H6PD: variants seen among roughly 807,000 people sequenced by gnomAD.
H6PD encodes the protein GDH/6PGL endoplasmic bifunctional protein.
H6PD carries 48 observed loss-of-function variants against 61.2 expected under a neutral mutation model. That is an observed-to-expected ratio of 0.78 (90% confidence interval 0.62 to 1.00). H6PD has a LOEUF of 1.00. H6PD is among the 50% of genes least tolerant of loss of function. H6PD has a pLI of 0.00. For synonymous variants in H6PD, 480 were observed against 457.9 expected (o/e 1.05, Z -0.62); for missense variants, 1,093 against 1,065.0 (o/e 1.03, Z -0.37).
intron 3 of H6PD, 74 bp downstream of exon 3, chr1:9,247,157 T>A (rs921042842): frequency 1.0e-4 from 102 of 1,016,970 alleles, no homozygotes; most frequent in Non-Finnish European, 1.3e-4. Flanking sequence ...CATGGGGCGC[T>A]TCTCAGAGGG....
Position 9,263,567 on chromosome 1 carries a change from T to C in H6PD, c.1074T>C (p.Ser358=), listed in dbSNP as rs367704323. Residue 358 remains serine (S), a synonymous_variant, in exon 5 of 5, where the codon TCT becomes TCC. Transcript: ENST00000377403. The part of the protein sequence containing the change: ...RWEGVPFILM[S]GKALDERVGY... ...AGGGCGTGCCTTTCATCCTGATGTCTGGCAAAGCCTTGGACGAGAGAGTGG... is the reference window on the plus strand; with the variant it reads ...AGGGCGTGCCTTTCATCCTGATGTCCGGCAAAGCCTTGGACGAGAGAGTGG... 9 of 1,614,062 alleles carry C rather than the reference T, an allele frequency of 5.6e-6. No individual in the cohort carries two copies. In the African/African-American group the frequency reaches 8.0e-5, roughly 14 times the overall value.
rs1315557117 is a variant in H6PD, at chr1:9,264,397, G to A, written c.1904G>A (p.Gly635Asp). Residue 635 changes from glycine to aspartate, a missense_variant, in exon 5 of 5, where the codon GGC becomes GAC. Gly to Asp is a moderately conservative substitution (Grantham distance 94). Coordinates refer to ENST00000377403, the MANE Select transcript of H6PD (RefSeq NM_004285.4). ...PLSDPESNFQGLQAHLLQHVR... is the reference protein window; with the variant it reads ...PLSDPESNFQDLQAHLLQHVR... ...TCAGACCCGGAGTCCAACTTCCAGG[G>A]CCTGCAGGCCCACCTGCTGCAGCAC... is the stretch of plus-strand genomic sequence containing the variant. The A allele has an allele frequency of 2.5e-6, 4 of 1,613,010 alleles. No individual in the cohort carries two copies. Among genetic ancestry groups the A allele is most frequent in the Admixed American group, 3.3e-5 (2 of 60,032 alleles).
chr1:9,244,840 C>G, intron 1 of H6PD, 85 bp from the exon 2 acceptor site: 1 of 1,236,082 alleles, frequency 8.1e-7, no homozygotes, highest in Non-Finnish European at 1.2e-6. Context: ...TCTTGCCAGG[C>G]AGGAAGTGTT....
chr1:9,237,100 G>GTAA (rs1640869044), intron 1 of H6PD, among the ~76,000 whole-genome samples: 1 of 152,018 alleles, frequency 6.6e-6, no homozygotes, highest in Non-Finnish European at 1.5e-5. Flanking sequence ...CAGTGTAAAT[G>GTAA]TAATACAGTG....
intron 3 of H6PD, 146 bp downstream of exon 3, chr1:9,247,229 C>T: frequency 1.6e-6 from 1 of 644,030 alleles, no homozygotes; most frequent in Non-Finnish European, 2.7e-6. Flanking sequence ...CTGAACCGGG[C>T]TAAACCCCAG....
Position 9,239,053 on chromosome 1 carries a change from G to GT in H6PD, c.-11+3998dup, listed in dbSNP as rs34078161. On this transcript the variant is annotated intron_variant, in intron 1 of 4. Transcript: ENST00000377403. Reference sequence around the variant, plus strand: ...TATTACCTTTCTTTTTAATTTAATGGTTTTTTTTTTTGAGACAGAGTCTCA... The same window carrying GT: ...TATTACCTTTCTTTTTAATTTAATGGTTTTTTTTTTTTGAGACAGAGTCTCA... Among the ~76,000 whole-genome samples the GT allele has an allele frequency of 9.1e-3, 1,341 of 146,730 alleles. 10 individuals carry two copies. Among genetic ancestry groups the GT allele is most frequent in the African/African-American group, 0.011 (459 of 40,334 alleles).
At chr1:9,242,686 A>G (rs1042381780) in intron 1 of H6PD, 6 of 985,370 alleles carry the variant, frequency 6.1e-6, no homozygotes, top group South Asian at 4.7e-5. Context: ...CCACCTGCCC[A>G]TGCCAGGACT....
chr1:9,255,996 C>T (rs914825108), intron 3 of H6PD, among the ~76,000 whole-genome samples: 4 of 152,182 alleles, frequency 2.6e-5, no homozygotes, highest in Non-Finnish European at 5.9e-5. Flanking sequence ...GGCTCTGGGT[C>T]GAACTGCCTG....
rs540537862 is a variant in H6PD at position 9,247,029 on chromosome 1, C to T, written c.691C>T (p.Arg231Trp). Residue 231 changes from arginine (R) to tryptophan (W), a missense_variant, in exon 3 of 5, where the codon CGG becomes TGG. Arg to Trp is a moderately radical substitution (Grantham distance 101). Coordinates refer to ENST00000377403, the MANE Select transcript of H6PD (RefSeq NM_004285.4). ...NRKALDGLWN[R>W]HHVERVEIIM... ...CAAGGCTTTGGACGGCCTCTGGAAC[C>T]GGCACCATGTGGAGCGGGTGGAGAT... The T allele has an allele frequency of 1.9e-5, 30 of 1,614,014 alleles. No individual in the cohort carries two copies. Among genetic ancestry groups the T allele is most frequent in the Admixed American group, 5.0e-5 (3 of 60,020 alleles).
At position 9,254,793 on chromosome 1, in the gene H6PD, T is replaced by C. The variant is rs76718080; in HGVS notation, c.746-7266T>C. ...GTGTATTCACAGAGTTGTGTGTCAG[T>C]ACCACAATCAATTTTAGGACATGTT... On this transcript the variant is annotated intron_variant, in intron 3 of 4. Transcript: ENST00000377403. This position sits in a 1 kb window ranked among gnomAD's most constrained non-coding sequence, Gnocchi z 4.6. 0.012 allele frequency among the ~76,000 whole-genome samples: 1,755 copies of C among 152,336 alleles called. 37 individuals are homozygous for C. Among genetic ancestry groups the C allele is most frequent in the African/African-American group, 0.04 (1,663 of 41,572 alleles).
chr1:9,264,918 G>C lies in H6PD; in HGVS notation c.*49G>C. 6.3e-7 allele frequency: 1 copy of C among 1,597,414 alleles called. No individual in the cohort carries two copies. The highest frequency in any genetic ancestry group is 8.5e-7 in the Non-Finnish European group (1 of 1,173,778). ...TTCGCTCCTGTGCTTTCCTTCGCCC[G>C]TGTCTTCCCTCCCTTCTCGGCCCCG... On this transcript the variant is annotated 3_prime_UTR_variant, in exon 5 of 5. Transcript: ENST00000377403.
intron 3 of H6PD, among the ~76,000 whole-genome samples, chr1:9,252,628 G>C (rs1641402813): frequency 6.6e-6 from 1 of 152,170 alleles, no homozygotes; most frequent in Admixed American, 6.5e-5. Flanking sequence ...AAATTAAGTG[G>C]TTTTTAGTAT....
At chr1:9,249,172 T>C (rs1325650012) in intron 3 of H6PD, among the ~76,000 whole-genome samples, 1 of 152,168 alleles carries the variant, frequency 6.6e-6, no homozygotes, top group Non-Finnish European at 1.5e-5. Context: ...AGCCATGATG[T>C]CTGGAGTTAC....
intron 3 of H6PD, 35 bp downstream of exon 3, chr1:9,247,118 C>A: frequency 1.5e-6 from 2 of 1,348,214 alleles, no homozygotes; most frequent in Non-Finnish European, 2.1e-6. Flanking sequence ...GGTCCCCCAG[C>A]CTCTGCCTGC....
intron 1 of H6PD, among the ~76,000 whole-genome samples, chr1:9,243,415 C>T (rs1424320027): frequency 1.3e-5 from 2 of 152,126 alleles, no homozygotes; most frequent in African/African-American, 4.8e-5. Context: ...ATATAATAGG[C>T]GCTAAATCAG....
rs1279499796 is a variant in H6PD, at chr1:9,254,045, A to G, written c.745+6962A>G. Among the ~76,000 whole-genome samples, 1 of 152,184 alleles carries G rather than the reference A, an allele frequency of 6.6e-6. No homozygotes were observed. The highest frequency in any genetic ancestry group is 1.9e-4 in the East Asian group (1 of 5,200). On this transcript the variant is annotated intron_variant, in intron 3 of 4. Coordinates refer to ENST00000377403, the MANE Select transcript of H6PD (RefSeq NM_004285.4). This position sits in a 1 kb window ranked among gnomAD's most constrained non-coding sequence, Gnocchi z 4.6. Reference sequence around the variant, plus strand: ...TTGCTGGAGATCACAGGGCTGAAAGATGGCAGAGCCGGTATTTAAACCGGG... The same window carrying G: ...TTGCTGGAGATCACAGGGCTGAAAGGTGGCAGAGCCGGTATTTAAACCGGG...
In H6PD at chr1:9,266,773, T is replaced by C. The variant is rs1638573622; in HGVS notation, c.*1904T>C. On this transcript the variant is annotated 3_prime_UTR_variant, in exon 5 of 5. Coordinates refer to ENST00000377403, the MANE Select transcript of H6PD (RefSeq NM_004285.4). The stretch of plus-strand genomic sequence containing the variant: ...AGACATGTTCCCAAGCCGGGGCTCT[T>C]GTTCACACCACTTACTCTGGCCACC... The C allele has an allele frequency of 6.6e-6, 1 of 152,108 alleles. No individual in the cohort carries two copies. 9.4% of individuals were successfully genotyped at this position (152,108 alleles called of 1,614,324 possible).
At chr1:9,248,560 G>A (rs1317103670) in intron 3 of H6PD, among the ~76,000 whole-genome samples, 1 of 152,222 alleles carries the variant, frequency 6.6e-6, no homozygotes, top group South Asian at 2.1e-4. Flanking sequence ...CTACTCGGGG[G>A]CAGAGGCGGG....
In H6PD at chr1:9,266,476, A is replaced by C. The variant is rs549138039; in HGVS notation, c.*1607A>C. ...TTCTTTTTAAAAACACCACAAAGCAAAATTCCCAGGACATGTGTAGTTTTG... is the reference window on the plus strand; with the variant it reads ...TTCTTTTTAAAAACACCACAAAGCACAATTCCCAGGACATGTGTAGTTTTG... On this transcript the variant is annotated 3_prime_UTR_variant, in exon 5 of 5. Transcript: ENST00000377403. The C allele has an allele frequency of 6.6e-6, 1 of 152,194 alleles. No individual in the cohort carries two copies. Among genetic ancestry groups the C allele is most frequent in the Non-Finnish European group, 1.5e-5 (1 of 68,036 alleles). 9.4% of individuals were successfully genotyped at this position (152,194 alleles called of 1,614,324 possible). A position where few individuals can be genotyped will look rare whatever the true frequency, so the allele number is the denominator to read the frequency against.
Sources: allele counts gnomAD v4.1 joint callset (sites outside exome capture counted in the v4.1 genomes callset), GRCh38; gene constraint gnomAD v4.1.1; non-coding constraint Gnocchi (gnomAD v3.1); transcripts MANE v1.5; gene names NCBI Gene and HGNC (gene_info 2026-07-23, HGNC 2026-07-21).